Variants in PEX5L observed in about 807,000 individuals in gnomAD.
PEX5L encodes peroxisomal biogenesis factor 5 like, also known as PEX5-related protein.
PEX5L carries 30 observed loss-of-function variants against 84.0 expected under a neutral mutation model. That is an observed-to-expected ratio of 0.36 (90% CI 0.27 to 0.48). PEX5L has a LOEUF of 0.48. Among genes scored for constraint, PEX5L ranks in the 20% least tolerant of loss-of-function variants. The pLI is 0.99. For missense variants in PEX5L, 533 were observed against 754.6 expected (o/e 0.71, Z 3.44); for synonymous variants, 270 against 283.1 (o/e 0.95, Z 0.46).
Position 179,973,163 on chromosome 3 carries a change from T to C in PEX5L, c.22-1498A>G, listed in dbSNP as rs928246055. The C allele has an allele frequency of 1.9e-5, 24 of 1,288,306 alleles. No homozygotes were observed. In the African/African-American group the frequency reaches 3.6e-4, roughly 20 times the overall value. The allele number at this position is 1,288,306 out of a possible 1,614,324, so 79.8% of individuals were successfully genotyped here. On this transcript the variant is annotated intron_variant, in intron 1 of 14. Transcript: ENST00000467460. ...AATATTGATCTGTATACGTACCAAG[T>C]AGCTCATTTGCATGACCCGGTTTCT...
chr3:179,852,883 T>C (rs1225353208), intron 8 of PEX5L, among the ~76,000 whole-genome samples: 1 of 152,196 alleles, frequency 6.6e-6, no homozygotes, highest in African/African-American at 2.4e-5. Flanking sequence ...GAAAAGTTCA[T>C]CCTTTGTTAG....
In PEX5L at chr3:179,959,440, G is replaced by T. The variant is rs116533030; in HGVS notation, c.93+12154C>A. Among the ~76,000 whole-genome samples the T allele has an allele frequency of 4.4e-3, 668 of 152,242 alleles. 13 individuals are homozygous for T. The highest frequency in any genetic ancestry group is 0.015 in the African/African-American group (638 of 41,544). On this transcript the variant is annotated intron_variant, in intron 2 of 14. Transcript: ENST00000467460. Reference sequence around the variant, plus strand: ...GTCCAACCATACCGGCTTCTTAAAGGCCGTGACTATGGTTATGTTATCTCT... The same window carrying T: ...GTCCAACCATACCGGCTTCTTAAAGTCCGTGACTATGGTTATGTTATCTCT...
In PEX5L at chr3:179,988,388, C is replaced by CAATAAATAAATAAATA. The variant is rs56669562; in HGVS notation, c.22-16739_22-16724dup. 7.6e-3 allele frequency among the ~76,000 whole-genome samples: 1,089 copies of CAATAAATAAATAAATA among 143,502 alleles called. 9 individuals are homozygous for CAATAAATAAATAAATA. Among genetic ancestry groups the CAATAAATAAATAAATA allele is most frequent in the African/African-American group, 0.017 (641 of 37,828 alleles). The allele number at this position is 143,502 out of a possible 152,430, so 94.1% of individuals were successfully genotyped here. ...TGGGCGACAGAGTGAAAATCTGCCT[C>CAATAAATAAATAAATA]AATAAATAAATAAATAAATAAATAA... On this transcript the variant is annotated intron_variant, in intron 1 of 14. Transcript: ENST00000467460.
At chr3:179,985,121 G>T (rs1352241980) in intron 1 of PEX5L, among the ~76,000 whole-genome samples, 1 of 152,166 alleles carries the variant, frequency 6.6e-6, no homozygotes. Context: ...TTGGATTTGG[G>T]CACAGCTCCT....
rs1171538294 is a variant in PEX5L at position 180,036,702 on chromosome 3, T to G, written c.-103A>C. The G allele has an allele frequency of 7.5e-7, 1 of 1,335,220 alleles. No homozygotes were observed. Among genetic ancestry groups the G allele is most frequent in the Non-Finnish European group, 1.1e-6 (1 of 926,554 alleles). 82.7% of individuals were successfully genotyped at this position (1,335,220 alleles called of 1,614,324 possible). A position where few individuals can be genotyped will look rare whatever the true frequency, so the allele number is the denominator to read the frequency against. On this transcript the variant is annotated 5_prime_UTR_variant, in exon 1 of 15. Coordinates refer to ENST00000467460, the MANE Select transcript of PEX5L (RefSeq NM_016559.3). ...GAAAAGGTGGGTGCACAGCGGGTTCTCAGAGGGTGCTCCTGAGCCCCCTGG... is the reference window on the plus strand; with the variant it reads ...GAAAAGGTGGGTGCACAGCGGGTTCGCAGAGGGTGCTCCTGAGCCCCCTGG...
At chr3:179,951,464 T>TA (rs935809834) in intron 2 of PEX5L, among the ~76,000 whole-genome samples, 52 of 150,964 alleles carry the variant, frequency 3.4e-4, no homozygotes, top group African/African-American at 1.2e-3. Context: ...AAAGACTCCT[T>TA]AAAAAAAAAG....
At chr3:179,944,838 C>T (rs73055495) in intron 2 of PEX5L, among the ~76,000 whole-genome samples, 46,070 of 152,046 alleles carry the variant, frequency 0.3, 7,829 homozygotes, top group African/African-American at 0.46. Context: ...CATACAGAAA[C>T]AGAAATCACT....
intron 1 of PEX5L, among the ~76,000 whole-genome samples, chr3:180,024,379 C>CA (rs1452445435): frequency 1.7e-4 from 17 of 101,630 alleles, no homozygotes; most frequent in African/African-American, 5.4e-4. Context: ...TATATACACA[C>CA]ACAAAAAAAA....
intron 1 of PEX5L, among the ~76,000 whole-genome samples, chr3:179,996,098 C>G (rs1313953371): frequency 6.6e-6 from 1 of 152,120 alleles, no homozygotes; most frequent in Non-Finnish European, 1.5e-5. Context: ...GAGGTAGTTG[C>G]CAAGCAAGAT....
chr3:179,832,355 C>T (rs1215633576), intron 8 of PEX5L, among the ~76,000 whole-genome samples: 3 of 151,708 alleles, frequency 2.0e-5, no homozygotes, highest in Non-Finnish European at 4.4e-5. Flanking sequence ...CACCCACCTG[C>T]CTACCTACCC....
chr3:179,920,070 G>A (rs542690167), intron 2 of PEX5L, among the ~76,000 whole-genome samples: 13 of 152,278 alleles, frequency 8.5e-5, no homozygotes, highest in African/African-American at 2.9e-4. Flanking sequence ...GAGACACCTG[G>A]CAAAATGTCC....
intron 10 of PEX5L, among the ~76,000 whole-genome samples, chr3:179,814,363 C>T (rs1725214716): frequency 2.0e-5 from 3 of 152,270 alleles, no homozygotes; most frequent in Admixed American, 2.0e-4. Flanking sequence ...GAGATAGTTA[C>T]TATTAGGATT....
chr3:179,816,009 A>C lies in PEX5L; in HGVS notation c.940-5T>G. ...TTCAGTGTGAAAGTAATATCCCTGC[A>C]ACACAGAAAAAGGCCAGTGCATGAG... On this transcript the variant is annotated splice_polypyrimidine_tract_variant and splice_region_variant and intron_variant, in intron 9 of 14. Coordinates refer to ENST00000467460, the MANE Select transcript of PEX5L (RefSeq NM_016559.3). The C allele has an allele frequency of 1.2e-6, 2 of 1,614,022 alleles. No homozygotes were observed. Among genetic ancestry groups the C allele is most frequent in the Non-Finnish European group, 1.7e-6 (2 of 1,179,902 alleles).
chr3:180,023,402 G>C (rs1790592695), intron 1 of PEX5L, among the ~76,000 whole-genome samples: 1 of 152,202 alleles, frequency 6.6e-6, no homozygotes, highest in South Asian at 2.1e-4. Flanking sequence ...AGAATGAGGA[G>C]ACATACGGCA....
At chr3:179,805,984 GA>G (rs1027820742) in intron 14 of PEX5L, among the ~76,000 whole-genome samples, 270 of 147,920 alleles carry the variant, frequency 1.8e-3, no homozygotes, top group Non-Finnish European at 2.9e-3. Flanking sequence ...TCCTTTAATT[GA>G]AAAAAAATAT....
intron 2 of PEX5L, among the ~76,000 whole-genome samples, chr3:179,919,828 G>C (rs535130869): frequency 1.3e-5 from 2 of 152,030 alleles, no homozygotes; most frequent in African/African-American, 2.4e-5. Context: ...TCAGCCTCCC[G>C]AGTAGCTGGG....
intron 14 of PEX5L, chr3:179,804,005 G>A (rs563199898): frequency 6.6e-6 from 1 of 152,250 alleles, no homozygotes; most frequent in African/African-American, 2.4e-5. Context: ...CTCTACTGAT[G>A]TCTCCCAGTT....
chr3:179,998,362 C>T (rs1300639423), intron 1 of PEX5L, among the ~76,000 whole-genome samples: 1 of 152,172 alleles, frequency 6.6e-6, no homozygotes, highest in Admixed American at 6.5e-5. Flanking sequence ...AAAGGCTTTG[C>T]AACAGGTCCA....
intron 2 of PEX5L, among the ~76,000 whole-genome samples, chr3:179,968,510 A>C (rs9817201): frequency 0.25 from 38,412 of 152,020 alleles, 5,079 homozygotes; most frequent in East Asian, 0.52. Flanking sequence ...TTTTACAAAG[A>C]CAAATATAGC....
Sources: gnomAD v4.1 joint callset for allele counts (sites outside exome capture counted in the v4.1 genomes callset) on GRCh38, gnomAD v4.1.1 for gene constraint, MANE v1.5 for transcripts, NCBI Gene and HGNC (gene_info 2026-07-23, HGNC 2026-07-21) for gene names.